HDAC9: variants seen among roughly 807,000 people sequenced by gnomAD.
The protein encoded by HDAC9 is histone deacetylase 9.
HDAC9 carries 41 observed loss-of-function variants against 139.4 expected under a neutral mutation model. The observed-to-expected ratio is 0.29, with a 90% CI of 0.23 to 0.38. The LOEUF is 0.38. HDAC9 is among the 10% of genes least tolerant of loss of function. The pLI, the probability that HDAC9 is intolerant of heterozygous loss-of-function variation, is 1.00. For synonymous variants in HDAC9, 517 were observed against 476.2 expected, an observed-to-expected ratio of 1.09 and a Z score of -1.12; for missense variants, 1,147 against 1,297.0, an observed-to-expected ratio of 0.88 and a Z score of 1.78.
chr7:18,533,040 A>G (rs1809564981), intron 2 of HDAC9, among the ~76,000 whole-genome samples: 2 of 152,102 alleles, frequency 1.3e-5, no homozygotes, highest in East Asian at 1.9e-4. Flanking sequence ...AATCAAATCA[A>G]TAGTATTTAT....
chr7:18,286,572 G>A (rs1797467819), upstream of HDAC9, among the ~76,000 whole-genome samples: 2 of 151,604 alleles, frequency 1.3e-5, no homozygotes, highest in Non-Finnish European at 2.9e-5. Flanking sequence ...CTAATTTGGG[G>A]GAAAATCAGT....
intron 17 of HDAC9, among the ~76,000 whole-genome samples, chr7:18,799,201 A>G (rs1240953504): frequency 1.3e-5 from 2 of 152,340 alleles, no homozygotes; most frequent in South Asian, 2.1e-4. Flanking sequence ...AGACTTCAGT[A>G]GCATATAAAA....
chr7:18,616,883 C>A (rs942193842), intron 6 of HDAC9, among the ~76,000 whole-genome samples: 2 of 151,962 alleles, frequency 1.3e-5, no homozygotes, highest in African/African-American at 4.8e-5. Context: ...AGAGGTTACA[C>A]CTAAAGACTT....
At position 18,732,863 on chromosome 7, in the gene HDAC9, A is replaced by ATACACACACGTGTGTATGTGTGCG. The variant is rs1786354239; in HGVS notation, c.1909+5107_1909+5108insACACACACGTGTGTATGTGTGCGT. 1.9e-5 allele frequency among the ~76,000 whole-genome samples: 2 copies of ATACACACACGTGTGTATGTGTGCG among 104,014 alleles called. 1 individual carries two copies. The allele number at this position is 104,014 out of a possible 152,430, so 68.2% of individuals were successfully genotyped here. A position where few individuals can be genotyped will look rare whatever the true frequency, so the allele number is the denominator to read the frequency against. Reference sequence around the variant, plus strand: ...TACACACACGTGTGTATGTGTGCGTATGTGTACACACACACGTGTGCGTAT... The same window carrying ATACACACACGTGTGTATGTGTGCG: ...TACACACACGTGTGTATGTGTGCGTATACACACACGTGTGTATGTGTGCGTGTGTACACACACACGTGTGCGTAT... On this transcript the variant is annotated intron_variant, in intron 13 of 25. Transcript: ENST00000686413.
intron 2 of HDAC9, chr7:18,578,188 G>C (rs771366165): frequency 1.9e-6 from 1 of 518,982 alleles, no homozygotes; most frequent in Non-Finnish European, 3.8e-6. Context: ...TCCACAAACT[G>C]AGGGAAAATG....
chr7:18,743,547 C>T (rs1178156), intron 13 of HDAC9, among the ~76,000 whole-genome samples: 41,542 of 150,764 alleles, frequency 0.28, 6,472 homozygotes, highest in East Asian at 0.66. Flanking sequence ...TTAAAAAATG[C>T]TGCAGATAGT....
chr7:18,834,364 G>C (rs1340248651), intron 19 of HDAC9, among the ~76,000 whole-genome samples: 1 of 150,872 alleles, frequency 6.6e-6, no homozygotes, highest in Non-Finnish European at 1.5e-5. Flanking sequence ...ATATTATGAA[G>C]CATATTAATT....
At chr7:18,683,189 A>G (rs569248757) in intron 12 of HDAC9, among the ~76,000 whole-genome samples, 2 of 152,198 alleles carry the variant, frequency 1.3e-5, no homozygotes, top group South Asian at 2.1e-4. Flanking sequence ...AGCAAGGTGT[A>G]TAGAAAAAGT....
At chr7:18,780,553 C>T (rs1002055101) in intron 16 of HDAC9, among the ~76,000 whole-genome samples, 2 of 151,996 alleles carry the variant, frequency 1.3e-5, no homozygotes, top group African/African-American at 4.8e-5. Context: ...CCAAAGGAAG[C>T]ACCCAATGCT....
chr7:18,787,123 C>T (rs536364233), intron 16 of HDAC9, among the ~76,000 whole-genome samples: 19 of 152,184 alleles, frequency 1.2e-4, no homozygotes, highest in Non-Finnish European at 2.8e-4. Context: ...CCTTTCTACC[C>T]TATTAGATAG....
intron 2 of HDAC9, among the ~76,000 whole-genome samples, chr7:18,240,659 C>T (rs115828886): frequency 0.015 from 2,210 of 152,248 alleles, 57 homozygotes; most frequent in African/African-American, 0.05. Context: ...CTCCTCTGCT[C>T]ACAACCATCC....
chr7:18,350,057 T>C (rs1554385564), intron 1 of HDAC9, among the ~76,000 whole-genome samples: 1 of 152,128 alleles, frequency 6.6e-6, no homozygotes, highest in Non-Finnish European at 1.5e-5. Flanking sequence ...TTTCCAGGTT[T>C]TTTCTCCCTC....
chr7:18,262,652 AG>A (rs1050378567), intron 2 of HDAC9, among the ~76,000 whole-genome samples: 1 of 152,238 alleles, frequency 6.6e-6, no homozygotes, highest in Non-Finnish European at 1.5e-5. Flanking sequence ...ATGACATTAA[AG>A]CAATAACGAT....
At chr7:18,936,217 GA>G (rs775202710) in intron 23 of HDAC9, among the ~76,000 whole-genome samples, 2 of 152,108 alleles carry the variant, frequency 1.3e-5, no homozygotes, top group African/African-American at 4.8e-5. Context: ...AATGAGTACG[GA>G]AACATTGAAT....
chr7:18,871,352 C>G (rs1224669909), intron 21 of HDAC9, among the ~76,000 whole-genome samples: 1 of 152,162 alleles, frequency 6.6e-6, no homozygotes, highest in Non-Finnish European at 1.5e-5. Flanking sequence ...GAATCAACCA[C>G]TTCTCCAAGG....
At chr7:18,535,652 A>G (rs1810617181) in intron 2 of HDAC9, among the ~76,000 whole-genome samples, 1 of 150,632 alleles carries the variant, frequency 6.6e-6, no homozygotes, top group Non-Finnish European at 1.5e-5. Context: ...AGTATCAGAA[A>G]TGGCTTTGAA....
chr7:18,642,161 G>C (rs1270286658), intron 8 of HDAC9, among the ~76,000 whole-genome samples: 1 of 152,064 alleles, frequency 6.6e-6, no homozygotes, highest in Non-Finnish European at 1.5e-5. Context: ...ACTATACCTA[G>C]TAGATATGGG....
At chr7:18,777,934 C>G (rs1356034426) in intron 16 of HDAC9, among the ~76,000 whole-genome samples, 1 of 151,952 alleles carries the variant, frequency 6.6e-6, no homozygotes, top group South Asian at 2.1e-4. Flanking sequence ...CTGCCTCAAT[C>G]TCTTTTAAAT....
At chr7:18,400,096 T>C (rs1787399367) in intron 1 of HDAC9, among the ~76,000 whole-genome samples, 1 of 152,192 alleles carries the variant, frequency 6.6e-6, no homozygotes, top group Non-Finnish European at 1.5e-5. Flanking sequence ...ATTTCTATTT[T>C]AGCAGCTAGC....
Sources: gnomAD v4.1 joint callset for allele counts (sites outside exome capture counted in the v4.1 genomes callset) on GRCh38, gnomAD v4.1.1 for gene constraint, MANE v1.5 for transcripts, NCBI Gene and HGNC (gene_info 2026-07-23, HGNC 2026-07-21) for gene names.